Variants in KMT5A observed in about 807,000 individuals in gnomAD.
KMT5A encodes lysine methyltransferase 5A.
In KMT5A, 6 loss-of-function variants were observed where a neutral mutation model predicts 40.6. That is an observed-to-expected ratio of 0.15 (90% CI 0.08 to 0.29). The LOEUF is 0.29. KMT5A is among the 10% of genes least tolerant of loss of function. The pLI, the probability that KMT5A is intolerant of heterozygous loss-of-function variation, is 1.00. For missense variants in KMT5A, 308 were observed against 459.1 expected (o/e 0.67, Z 3.01); for synonymous variants, 153 against 178.8 (o/e 0.86, Z 1.15).
chr12:123,399,438 C>G (rs369944240), intron 5 of KMT5A, among the ~76,000 whole-genome samples: 1 of 152,258 alleles, frequency 6.6e-6, no homozygotes, highest in African/African-American at 2.4e-5. Context: ...CAGCTTCCCT[C>G]TGCGCATCTC....
At chr12:123,385,060 A>G (rs1357114785) in intron 1 of KMT5A, among the ~76,000 whole-genome samples, 1 of 152,120 alleles carries the variant, frequency 6.6e-6, no homozygotes, top group African/African-American at 2.4e-5. Flanking sequence ...AAGTTTTGGT[A>G]TTATATTTTT....
chr12:123,401,573 G>A (rs1878181263), intron 5 of KMT5A, among the ~76,000 whole-genome samples: 1 of 147,664 alleles, frequency 6.8e-6, no homozygotes, highest in Non-Finnish European at 1.5e-5. Context: ...TTATGGGAAG[G>A]TTTTTTTTTG....
In KMT5A at chr12:123,403,638, G is replaced by A. The variant is rs768872996; in HGVS notation, c.657+6G>A. On this transcript the variant is annotated splice_donor_region_variant and intron_variant, in intron 6 of 7. Transcript: ENST00000402868. ...GGAAGGAAGAAGGAATGAAGGTAAG[G>A]GGCTGCTGTGCTTGCTGCATCATAG... The A allele has an allele frequency of 5.6e-6, 9 of 1,614,044 alleles. No individual in the cohort carries two copies. Among genetic ancestry groups the A allele is most frequent in the Non-Finnish European group, 7.6e-6 (9 of 1,180,010 alleles).
At chr12:123,400,562 T>C (rs1878079486) in intron 5 of KMT5A, among the ~76,000 whole-genome samples, 1 of 151,564 alleles carries the variant, frequency 6.6e-6, no homozygotes, top group African/African-American at 2.4e-5. Context: ...AGTTTCACCA[T>C]GTTGGTCAGG....
intron 3 of KMT5A, among the ~76,000 whole-genome samples, chr12:123,392,095 T>G (rs1877358877): frequency 6.6e-6 from 1 of 152,078 alleles, no homozygotes; most frequent in Non-Finnish European, 1.5e-5. Context: ...ACAGGACTGT[T>G]TTGAAGGGTG....
At position 123,408,757 on chromosome 12, in the gene KMT5A, AGTGTCCTCCTG is replaced by A. The variant is rs1182210906; in HGVS notation, c.*1055_*1065del. The A allele has an allele frequency of 6.6e-6, 1 of 152,508 alleles. No homozygotes were observed. Among genetic ancestry groups the A allele is most frequent in the Non-Finnish European group, 1.5e-5 (1 of 68,018 alleles). The allele number at this position is 152,508 out of a possible 1,614,324, so 9.4% of individuals were successfully genotyped here. On this transcript the variant is annotated 3_prime_UTR_variant, in exon 8 of 8. Transcript: ENST00000402868. Reference sequence around the variant, plus strand: ...GAGGCCTTGTGTTTGTCAGACACCCAGTGTCCTCCTGCAAGGACGCAACTGTGAGCTGAGGT... The same window carrying A: ...GAGGCCTTGTGTTTGTCAGACACCCACAAGGACGCAACTGTGAGCTGAGGT...
At position 123,395,130 on chromosome 12, in the gene KMT5A, G is replaced by A. The variant is rs764854788; in HGVS notation, c.373G>A (p.Val125Ile). The A allele has an allele frequency of 1.7e-5, 28 of 1,607,608 alleles. No individual in the cohort carries two copies. The highest frequency in any genetic ancestry group is 5.6e-5 in the South Asian group (5 of 90,054). Residue 125 changes from valine (V) to isoleucine (I), a missense_variant, in exon 4 of 8, where the codon GTA (valine) becomes ATA (isoleucine). Coordinates refer to ENST00000402868, the MANE Select transcript of KMT5A (RefSeq NM_020382.7). The stretch of plus-strand genomic sequence containing the variant: ...CAAAGACGCCAGGAAAGGTCCCCTG[G>A]TACCTTTTCCAAACCAAAAATCTGA... ...KIKDARKGPL[V>I]PFPNQKSEAA...
rs757027194 is a variant in KMT5A, at chr12:123,390,639, T to C, written c.142T>C (p.Phe48Leu). The change falls in exon 3 of 8, where the codon TTT becomes CTT. Residue 48 changes from phenylalanine (F) to leucine (L), a missense_variant. Around this residue, in one of 4 missense-constraint regions of KMT5A, gnomAD observed 92 missense variants for 78.3 expected, o/e 1.18. Transcript: ENST00000402868. Reference protein sequence around the residue: ...GRPRTDGENVFTGQSKIYSYM... With the variant: ...GRPRTDGENVLTGQSKIYSYM... ...GCTTTTGTCTTTTTAGGAGAACGTA[T>C]TTACCGGGCAGTCAAAGATCTATTC... 11 of 1,613,808 alleles carry C rather than the reference T, an allele frequency of 6.8e-6. No homozygotes were observed. The highest frequency in any genetic ancestry group is 3.3e-4 in the Middle Eastern group (2 of 6,048).
chr12:123,407,704 C>G lies in KMT5A; in HGVS notation c.*1C>G, dbSNP rs1029347846. Reference sequence around the variant, plus strand: ...AGCCCACCCGTGGCTGAAGCATTAACCGGTGGGCCCCGTGCCCTCCCCGCC... The same window carrying G: ...AGCCCACCCGTGGCTGAAGCATTAAGCGGTGGGCCCCGTGCCCTCCCCGCC... On this transcript the variant is annotated 3_prime_UTR_variant, in exon 8 of 8. Transcript: ENST00000402868. 3.7e-6 allele frequency: 6 copies of G among 1,609,822 alleles called. No individual in the cohort carries two copies. The Admixed American group carries it at 1.0e-4, about 27-fold the overall frequency.
chr12:123,401,521 T>C (rs1382276574), intron 5 of KMT5A, among the ~76,000 whole-genome samples: 3 of 152,096 alleles, frequency 2.0e-5, no homozygotes, highest in Non-Finnish European at 4.4e-5. Context: ...AGGTTAATAT[T>C]GATATGTGAG....
chr12:123,394,901 ACACGGGGCTTAACAGGC>A, intron 3 of KMT5A, 129 bp from the exon 4 acceptor site: 1 of 698,110 alleles, frequency 1.4e-6, no homozygotes, highest in Non-Finnish European at 2.4e-6. Context: ...CCCATAGCGG[ACACGGGGCTTAACAGGC>A]CAAGGGCACT....
rs1878634442 is a variant in KMT5A at position 123,407,390 on chromosome 12, C to G, written c.849-103C>G. On this transcript the variant is annotated intron_variant, in intron 7 of 7. Transcript: ENST00000402868. The stretch of plus-strand genomic sequence containing the variant: ...AATTGAATCTTTTCAAAACACATGG[C>G]TTTAAATCAGCATCCCACCAGAGCT... 4.5e-6 allele frequency: 5 copies of G among 1,110,764 alleles called. No homozygotes were observed. In the South Asian group the frequency reaches 7.1e-5, roughly 16 times the overall value. 68.8% of individuals were successfully genotyped at this position (1,110,764 alleles called of 1,614,324 possible).
chr12:123,394,402 C>T (rs1306924327), intron 3 of KMT5A, among the ~76,000 whole-genome samples: 1 of 152,066 alleles, frequency 6.6e-6, no homozygotes, highest in African/African-American at 2.4e-5. Flanking sequence ...TGTGTCCAGC[C>T]TATTTACTTA....
chr12:123,401,144 C>CTT (rs58431238), intron 5 of KMT5A, among the ~76,000 whole-genome samples: 17,810 of 75,682 alleles, frequency 0.24, 4,130 homozygotes, highest in Non-Finnish European at 0.31. Context: ...ATATATCTTT[C>CTT]TTTTTTTTTT....
At chr12:123,391,066 AGG>A (rs1397719843) in intron 3 of KMT5A, 1 of 387,034 alleles carries the variant, frequency 2.6e-6, no homozygotes, top group Non-Finnish European at 4.8e-6. Context: ...ACAATTAGAG[AGG>A]CTCACAAGTG....
chr12:123,390,564 C>T, intron 2 of KMT5A, 66 bp from the exon 3 acceptor site: 3 of 1,558,072 alleles, frequency 1.9e-6, no homozygotes, highest in Non-Finnish European at 2.6e-6. Context: ...TGTATTCCTC[C>T]TCCTCGTGAA....
chr12:123,399,975 C>T (rs745863954), intron 5 of KMT5A, among the ~76,000 whole-genome samples: 18 of 152,112 alleles, frequency 1.2e-4, no homozygotes, highest in Non-Finnish European at 1.9e-4. Context: ...AGGCGCCCAC[C>T]ACCATGCCCA....
intron 1 of KMT5A, among the ~76,000 whole-genome samples, chr12:123,387,727 G>A (rs1193855935): frequency 6.6e-6 from 1 of 152,218 alleles, no homozygotes; most frequent in Non-Finnish European, 1.5e-5. Flanking sequence ...GTTCCAATGG[G>A]AGTCGAGGGA....
intron 3 of KMT5A, among the ~76,000 whole-genome samples, chr12:123,392,878 TTTTG>T (rs1455950133): frequency 6.6e-6 from 1 of 151,984 alleles, no homozygotes; most frequent in Non-Finnish European, 1.5e-5. Flanking sequence ...TTTTAATGGT[TTTTG>T]TTTGTTTTTT....
Sources: gnomAD v4.1 joint callset for allele counts (sites outside exome capture counted in the v4.1 genomes callset) on GRCh38, gnomAD v4.1.1 for gene constraint, gnomAD v4.1.1 regional missense constraint, MANE v1.5 for transcripts, NCBI Gene and HGNC (gene_info 2026-07-23, HGNC 2026-07-21) for gene names.